Variants in TBCD observed in about 807,000 individuals in gnomAD.
TBCD encodes the protein tubulin folding cofactor D.
A neutral mutation model predicts 169.3 loss-of-function variants in TBCD; 105 were observed. The ratio of observed to expected loss-of-function variants is 0.62; its 90% confidence interval spans 0.53 to 0.73. The LOEUF is 0.73. TBCD is among the 30% of genes least tolerant of loss of function. TBCD has a pLI of 0.00. For missense variants in TBCD, 1,444 were observed against 1,600.1 expected, an observed-to-expected ratio of 0.90 and a Z score of 1.66; for synonymous variants, 700 against 643.9, an observed-to-expected ratio of 1.09 and a Z score of -1.32.
rs987503853 is a variant in TBCD at position 82,889,273 on chromosome 17, A to G, written c.1534-395A>G. Among the ~76,000 whole-genome samples, 7 of 151,978 alleles carry G rather than the reference A, an allele frequency of 4.6e-5. No homozygotes were observed. Among genetic ancestry groups the G allele is most frequent in the African/African-American group, 1.7e-4 (7 of 41,378 alleles). On this transcript the variant is annotated intron_variant, in intron 15 of 38. Transcript: ENST00000355528. This position sits in a 1 kb window ranked among gnomAD's most constrained non-coding sequence, Gnocchi z 5.3. Reference sequence around the variant, plus strand: ...GGTGCGGGCAGGGCGCCCTCCCTGGAGGGCGGCACGTGGTGCCAGTTGGTG... The same window carrying G: ...GGTGCGGGCAGGGCGCCCTCCCTGGGGGGCGGCACGTGGTGCCAGTTGGTG...
intron 13 of TBCD, among the ~76,000 whole-genome samples, chr17:82,826,588 G>T (rs903261702): frequency 6.6e-6 from 1 of 151,676 alleles, no homozygotes; most frequent in African/African-American, 2.4e-5. Context: ...GCTAATTTTT[G>T]TATTTTTTGT....
At chr17:82,867,771 A>G (rs1006048483) in intron 13 of TBCD, among the ~76,000 whole-genome samples, 3 of 152,170 alleles carry the variant, frequency 2.0e-5, no homozygotes, top group Non-Finnish European at 4.4e-5. Context: ...TTAGAAGGAA[A>G]ATGTTTGACA....
chr17:82,845,899 G>A (rs942413966), intron 13 of TBCD, among the ~76,000 whole-genome samples: 2 of 152,206 alleles, frequency 1.3e-5, no homozygotes, highest in African/African-American at 4.8e-5. Context: ...TGTGTTCCTT[G>A]TGAGGTGCTG....
At position 82,832,457 on chromosome 17, in the gene TBCD, T is replaced by C. The variant is rs2053600726; in HGVS notation, c.1318+17523T>C. The C allele has an allele frequency of 1.3e-5, 21 of 1,608,702 alleles. No individual in the cohort carries two copies. The highest frequency in any genetic ancestry group is 1.8e-5 in the Non-Finnish European group (21 of 1,179,846). ...TTCCGCTCTTTGAGGAGACTCATTT[T>C]CCTCCTTATGCCTTGGACTCTGGCT... is the stretch of plus-strand genomic sequence containing the variant. On this transcript the variant is annotated intron_variant, in intron 13 of 38. Coordinates refer to ENST00000355528, the MANE Select transcript of TBCD (RefSeq NM_005993.5). This position sits in a 1 kb window ranked among gnomAD's most constrained non-coding sequence, Gnocchi z 4.9.
In TBCD at chr17:82,785,814, G is replaced by A. The variant is rs2049279569; in HGVS notation, c.771+4093G>A. Reference sequence around the variant, plus strand: ...TCGCAGCGGGAGGGGGGTCCATGCTGTGTGACTGGGACCACTGGACCCGAC... The same window carrying A: ...TCGCAGCGGGAGGGGGGTCCATGCTATGTGACTGGGACCACTGGACCCGAC... On this transcript the variant is annotated intron_variant, in intron 7 of 38. Coordinates refer to ENST00000355528, the MANE Select transcript of TBCD (RefSeq NM_005993.5). Among the ~76,000 whole-genome samples the A allele has an allele frequency of 2.1e-5, 3 of 139,758 alleles. No individual in the cohort carries two copies. The South Asian group carries it at 6.8e-4, about 31-fold the overall frequency. The allele number at this position is 139,758 out of a possible 152,430, so 91.7% of individuals were successfully genotyped here. A position where few individuals can be genotyped will look rare whatever the true frequency, so the allele number is the denominator to read the frequency against.
intron 13 of TBCD, among the ~76,000 whole-genome samples, chr17:82,836,722 CAAAA>C (rs869104270): frequency 7.2e-4 from 109 of 150,450 alleles, no homozygotes; most frequent in African/African-American, 2.5e-3. Context: ...AACCAAAAAA[CAAAA>C]AAACAAAAAA....
intron 6 of TBCD, among the ~76,000 whole-genome samples, chr17:82,775,747 G>A (rs1038986318): frequency 1.0e-4 from 13 of 124,180 alleles, no homozygotes; most frequent in African/African-American, 3.6e-4. Context: ...GTTGTGGGGT[G>A]GGGGGAGGGG....
intron 19 of TBCD, among the ~76,000 whole-genome samples, chr17:82,905,332 G>T (rs2060165842): frequency 6.6e-6 from 1 of 152,250 alleles, no homozygotes. Flanking sequence ...TTGGGAGCGG[G>T]CCATGTCCAG....
chr17:82,923,636 G>A lies in TBCD; in HGVS notation c.2179-16G>A. 1 of 1,560,190 alleles carries A rather than the reference G, an allele frequency of 6.4e-7. No individual in the cohort carries two copies. Among genetic ancestry groups the A allele is most frequent in the Non-Finnish European group, 8.7e-7 (1 of 1,151,280 alleles). On this transcript the variant is annotated splice_polypyrimidine_tract_variant and intron_variant, in intron 25 of 38. Coordinates refer to ENST00000355528, the MANE Select transcript of TBCD (RefSeq NM_005993.5). This position sits in a 1 kb window ranked among gnomAD's most constrained non-coding sequence, Gnocchi z 4.6. ...AGCAGAGCTGCTGTGCGCTCACCGT[G>A]CTGCCTTTGTTTTAGGATGCAGCAG...
intron 27 of TBCD, among the ~76,000 whole-genome samples, chr17:82,926,122 TGG>T (rs2061737032): frequency 3.0e-5 from 3 of 100,562 alleles, no homozygotes; most frequent in African/African-American, 1.4e-4. Flanking sequence ...GTGTCCTTCC[TGG>T]GTTGTACCGG....
chr17:82,752,203 A>T lies in TBCD; in HGVS notation c.10A>T (p.Ser4Cys). ...TCCCCAGGCTGCCGAGATGGCCCTG[A>T]GCGACGAACCGGCCGCGGGCGGCCC... Reference protein sequence around the residue: MALSDEPAAGGPEE... With the variant: MALCDEPAAGGPEE... Residue 4 changes from serine to cysteine, a missense_variant, in exon 1 of 39, where the codon AGC becomes TGC. By Grantham distance (112) the Ser-to-Cys change is moderately radical. Transcript: ENST00000355528. The T allele has an allele frequency of 6.6e-7, 1 of 1,521,752 alleles. No homozygotes were observed. Among genetic ancestry groups the T allele is most frequent in the East Asian group, 2.7e-5 (1 of 37,036 alleles). 94.3% of individuals were successfully genotyped at this position (1,521,752 alleles called of 1,614,324 possible). A position where few individuals can be genotyped will look rare whatever the true frequency, so the allele number is the denominator to read the frequency against.
chr17:82,910,755 G>A (rs984413099), intron 22 of TBCD, among the ~76,000 whole-genome samples: 25 of 152,046 alleles, frequency 1.6e-4, no homozygotes, highest in Non-Finnish European at 4.4e-5. Flanking sequence ...TAGGAGAGAC[G>A]GGGTTTCACC....
chr17:82,930,348 C>A lies in TBCD; in HGVS notation c.2992-174C>A. The A allele has an allele frequency of 2.3e-6, 2 of 859,764 alleles. No individual in the cohort carries two copies. Among genetic ancestry groups the A allele is most frequent in the Non-Finnish European group, 3.5e-6 (2 of 577,640 alleles). 53.3% of individuals were successfully genotyped at this position (859,764 alleles called of 1,614,324 possible). A position where few individuals can be genotyped will look rare whatever the true frequency, so the allele number is the denominator to read the frequency against. ...GCCTTGTGTCTGCTTCGGGTGTCTGCACTGTGAGTGGCTCCGTGCTGGCGT... is the reference window on the plus strand; with the variant it reads ...GCCTTGTGTCTGCTTCGGGTGTCTGAACTGTGAGTGGCTCCGTGCTGGCGT... On this transcript the variant is annotated intron_variant, in intron 32 of 38. Coordinates refer to ENST00000355528, the MANE Select transcript of TBCD (RefSeq NM_005993.5). The surrounding 1 kb of genome is among the most constrained non-coding windows in gnomAD (Gnocchi z 5.2).
At chr17:82,794,612 C>T (rs373875302) in intron 7 of TBCD, among the ~76,000 whole-genome samples, 2 of 152,248 alleles carry the variant, frequency 1.3e-5, no homozygotes, top group Admixed American at 1.3e-4. Context: ...CCGCGTCCTC[C>T]TGCTGACAGG....
chr17:82,917,515 A>G (rs76577645), intron 23 of TBCD, among the ~76,000 whole-genome samples: 1 of 152,190 alleles, frequency 6.6e-6, no homozygotes. Context: ...TATATCATAC[A>G]TGAAAAGCAT....
chr17:82,921,051 C>T (rs571175332), intron 24 of TBCD: 38 of 262,474 alleles, frequency 1.4e-4, no homozygotes, highest in South Asian at 1.4e-3. Flanking sequence ...GAAGGGAGCC[C>T]CCAGGGCTGT....
At chr17:82,938,264 G>A (rs2062804658) in intron 36 of TBCD, 128 bp downstream of exon 36, 19 of 1,061,412 alleles carry the variant, frequency 1.8e-5, no homozygotes, top group South Asian at 1.7e-4. Context: ...AACGCGCCTG[G>A]GTGACGACGC....
intron 22 of TBCD, among the ~76,000 whole-genome samples, chr17:82,911,519 G>C (rs77980175): frequency 6.6e-6 from 1 of 152,218 alleles, no homozygotes; most frequent in Non-Finnish European, 1.5e-5. Flanking sequence ...GTCAGGACTA[G>C]AATGTCCAGT....
At chr17:82,796,726 C>G (rs577814397) in intron 7 of TBCD, among the ~76,000 whole-genome samples, 58 of 152,300 alleles carry the variant, frequency 3.8e-4, no homozygotes, top group Middle Eastern at 3.4e-3. Flanking sequence ...CTTAGGAGAG[C>G]CCCCCAGCGG....
Sources: gnomAD v4.1 joint callset for allele counts (sites outside exome capture counted in the v4.1 genomes callset) on GRCh38, gnomAD v4.1.1 for gene constraint, Gnocchi (gnomAD v3.1) non-coding constraint, MANE v1.5 for transcripts, NCBI Gene and HGNC (gene_info 2026-07-23, HGNC 2026-07-21) for gene names.